APC2: variants seen among roughly 807,000 people sequenced by gnomAD.
APC2 encodes the protein adenomatous polyposis coli protein 2.
APC2 carries 41 observed loss-of-function variants against 72.5 expected under a neutral mutation model. The observed-to-expected ratio is 0.57, with a 90% CI of 0.44 to 0.73. APC2 has a LOEUF of 0.73. APC2 is among the 30% of genes least tolerant of loss of function. The pLI is 0.00. For synonymous variants in APC2, 1,898 were observed against 1,612.0 expected (o/e 1.18, Z -4.25); for missense variants, 3,729 against 3,403.4 (o/e 1.10, Z -2.38).
chr19:1,469,000 T>C lies in APC2; in HGVS notation c.5699T>C (p.Leu1900Pro). The C allele has an allele frequency of 6.4e-7, 1 of 1,556,584 alleles. No individual in the cohort carries two copies. The highest frequency in any genetic ancestry group is 1.2e-5 in the South Asian group (1 of 84,062). Residue 1900 changes from leucine to proline, a missense_variant, in exon 15 of 15, where the codon CTG (leucine) becomes CCG (proline). Physicochemically the swap from Leu to Pro is moderately conservative, Grantham distance 98. Transcript: ENST00000590469. ...CCGGTCACCCAGGCTGCTGGGGCCCTGCCCGGCCCCGGAGCCTCCCCGGTG... is the reference window on the plus strand; with the variant it reads ...CCGGTCACCCAGGCTGCTGGGGCCCCGCCCGGCCCCGGAGCCTCCCCGGTG... Reference protein sequence around the residue: ...RPPVTQAAGALPGPGASPVPK... With the variant: ...RPPVTQAAGAPPGPGASPVPK...
At position 1,468,040 on chromosome 19, in the gene APC2, G is replaced by A. The variant is rs372563885; in HGVS notation, c.4739G>A (p.Ser1580Asn). Residue 1580 changes from serine (S) to asparagine (N), a missense_variant, in exon 15 of 15, where the codon AGC (serine) becomes AAC (asparagine). By Grantham distance (46) the Ser-to-Asn change is conservative. Coordinates refer to ENST00000590469, the MANE Select transcript of APC2 (RefSeq NM_005883.3). ...GAGACCCCGCCCTGCTACTCCCTGA[G>A]CTCCTCCGCCAGCTCCCTCAGCGAG... is the stretch of plus-strand genomic sequence containing the variant. ...ADETPPCYSL[S>N]SSASSLSEPE... is the part of the protein sequence containing the mutation. 1.4e-4 allele frequency: 220 copies of A among 1,580,944 alleles called. No homozygotes were observed. The highest frequency in any genetic ancestry group is 1.8e-4 in the Non-Finnish European group (212 of 1,172,710).
intron 11 of APC2, 97 bp from the exon 12 acceptor site, chr19:1,460,683 A>C: frequency 7.9e-7 from 1 of 1,268,212 alleles, no homozygotes; most frequent in South Asian, 1.4e-5. Context: ...CAGGGGTCTG[A>C]GTTTGCAGCT....
Position 1,473,130 on chromosome 19 carries a change from G to T in APC2, c.*2917G>T, listed in dbSNP as rs576369193. ...AGTGTTAAACGGACGTGTAAATAGT[G>T]GTAAATAGTGAAAGCCTGTCCTTCC... is the stretch of plus-strand genomic sequence containing the variant. On this transcript the variant is annotated 3_prime_UTR_variant, in exon 15 of 15. Transcript: ENST00000590469. The T allele has an allele frequency of 6.6e-6, 1 of 152,282 alleles. No individual in the cohort carries two copies. Among genetic ancestry groups the T allele is most frequent in the African/African-American group, 2.4e-5 (1 of 41,464 alleles). The allele number at this position is 152,282 out of a possible 1,614,324, so 9.4% of individuals were successfully genotyped here. A position where few individuals can be genotyped will look rare whatever the true frequency, so the allele number is the denominator to read the frequency against.
At chr19:1,456,285 A>C (rs1213163406) in intron 7 of APC2, 21 bp from the exon 8 acceptor site, 1 of 1,597,808 alleles carries the variant, frequency 6.3e-7, no homozygotes, top group Non-Finnish European at 8.5e-7. Context: ...TGTACCCCCG[A>C]CCCTGGTGCT....
rs1270490604 is a variant in APC2, at chr19:1,457,149, G to A, written c.1113G>A (p.Leu371=). 6.3e-7 allele frequency: 1 copy of A among 1,588,060 alleles called. No individual in the cohort carries two copies. The highest frequency in any genetic ancestry group is 1.8e-5 in the Admixed American group (1 of 57,012). The change falls in exon 9 of 15, where the codon CTG becomes CTA. Residue 371 remains leucine, a synonymous_variant. Coordinates refer to ENST00000590469, the MANE Select transcript of APC2 (RefSeq NM_005883.3). ...TGGCGCGCAAGGAGATGCGCGTCCT[G>A]CACGTGCTGGAGCAGATCCGGGCCT... ...QGLARKEMRV[L]HVLEQIRAYC... is the part of the protein sequence containing the mutation.
chr19:1,465,221 C>G lies in APC2; in HGVS notation c.1920C>G (p.Thr640=). The G allele has an allele frequency of 6.2e-7, 1 of 1,610,546 alleles. No individual in the cohort carries two copies. The highest frequency in any genetic ancestry group is 8.5e-7 in the Non-Finnish European group (1 of 1,179,418). Reference sequence around the variant, plus strand: ...AGCATCTGACTTCGCACAGCCTGACCATCGTGAGCAACGCGTGCGGCACGC... The same window carrying G: ...AGCATCTGACTTCGCACAGCCTGACGATCGTGAGCAACGCGTGCGGCACGC... The part of the protein sequence containing the change: ...LLQHLTSHSL[T]IVSNACGTLW... The change falls in exon 15 of 15, where the codon ACC becomes ACG. Residue 640 remains threonine, a synonymous_variant. Transcript: ENST00000590469.
Position 1,468,883 on chromosome 19 carries a change from G to T in APC2, c.5582G>T (p.Ser1861Ile). The T allele has an allele frequency of 6.5e-7, 1 of 1,532,444 alleles. No individual in the cohort carries two copies. 94.9% of individuals were successfully genotyped at this position (1,532,444 alleles called of 1,614,324 possible). A position where few individuals can be genotyped will look rare whatever the true frequency, so the allele number is the denominator to read the frequency against. The change falls in exon 15 of 15, where the codon AGC becomes ATC. Residue 1861 changes from serine (S) to isoleucine (I), a missense_variant. By Grantham distance (142) the Ser-to-Ile change is moderately radical (BLOSUM62 -2). Coordinates refer to ENST00000590469, the MANE Select transcript of APC2 (RefSeq NM_005883.3). ...ELATLSQPPRSATPPARLAKT... is the reference protein window; with the variant it reads ...ELATLSQPPRIATPPARLAKT... ...GCGACGCTGAGCCAGCCCCCCAGAAGCGCCACACCGCCCGCCCGCCTCGCC... is the reference window on the plus strand; with the variant it reads ...GCGACGCTGAGCCAGCCCCCCAGAATCGCCACACCGCCCGCCCGCCTCGCC...
chr19:1,465,342 A>G lies in APC2; in HGVS notation c.2041A>G (p.Lys681Glu). The change falls in exon 15 of 15, where the codon AAG (lysine) becomes GAG (glutamate). Residue 681 changes from lysine (K) to glutamate (E), a missense_variant. Physicochemically the swap from Lys to Glu is moderately conservative, Grantham distance 56 (BLOSUM62 1). Transcript: ENST00000590469. Reference sequence around the variant, plus strand: ...GCGTAATCTGGTGCACTCCAAGCACAAGATGATCGCCATGGGCAGCGCCGC... The same window carrying G: ...GCGTAATCTGGTGCACTCCAAGCACGAGATGATCGCCATGGGCAGCGCCGC... ...MLRNLVHSKH[K>E]MIAMGSAAAL... The G allele has an allele frequency of 6.3e-7, 1 of 1,590,200 alleles. No homozygotes were observed. The highest frequency in any genetic ancestry group is 2.2e-5 in the East Asian group (1 of 44,602).
chr19:1,459,070 T>C (rs1253752240), intron 10 of APC2, among the ~76,000 whole-genome samples: 1 of 152,060 alleles, frequency 6.6e-6, no homozygotes, highest in African/African-American at 2.4e-5. Context: ...TCCTACTTTC[T>C]GTCTCTGTGA....
rs967855095 is a variant in APC2 at position 1,460,378 on chromosome 19, G to A, written c.1443+58G>A. On this transcript the variant is annotated intron_variant, in intron 11 of 14. Coordinates refer to ENST00000590469, the MANE Select transcript of APC2 (RefSeq NM_005883.3). ...CCTCATCCAGTCTTCCAGGGACTGAGCCTCCTTCCAACTCATCCCAGCCTC... is the reference window on the plus strand; with the variant it reads ...CCTCATCCAGTCTTCCAGGGACTGAACCTCCTTCCAACTCATCCCAGCCTC... 4.4e-6 allele frequency: 7 copies of A among 1,607,668 alleles called. No individual in the cohort carries two copies. In the Admixed American group the frequency reaches 1.2e-4, roughly 27 times the overall value.
Position 1,468,625 on chromosome 19 carries a change from G to A in APC2, c.5324G>A (p.Arg1775His), listed in dbSNP as rs1025002842. ...PRSPAGPEKPRGTQKTTPGVP... is the reference protein window; with the variant it reads ...PRSPAGPEKPHGTQKTTPGVP... ...TCCCCTGCAGGCCCCGAGAAGCCACGTGGCACACAGAAGACCACGCCCGGG... is the reference window on the plus strand; with the variant it reads ...TCCCCTGCAGGCCCCGAGAAGCCACATGGCACACAGAAGACCACGCCCGGG... The change falls in exon 15 of 15, where the codon CGT becomes CAT. Residue 1775 changes from arginine to histidine, a missense_variant. Arg to His is a conservative substitution (Grantham distance 29). Coordinates refer to ENST00000590469, the MANE Select transcript of APC2 (RefSeq NM_005883.3). 3 of 1,601,442 alleles carry A rather than the reference G, an allele frequency of 1.9e-6. No individual in the cohort carries two copies. Among genetic ancestry groups the A allele is most frequent in the Non-Finnish European group, 1.7e-6 (2 of 1,173,130 alleles).
Position 1,466,843 on chromosome 19 carries a change from C to G in APC2, c.3542C>G (p.Pro1181Arg). 6.4e-7 allele frequency: 1 copy of G among 1,559,608 alleles called. No individual in the cohort carries two copies. Among genetic ancestry groups the G allele is most frequent in the Non-Finnish European group, 8.7e-7 (1 of 1,153,066 alleles). Residue 1181 changes from proline (P) to arginine (R), a missense_variant, in exon 15 of 15, where the codon CCC becomes CGC. Pro to Arg is a moderately radical substitution (Grantham distance 103, BLOSUM62 -2). Coordinates refer to ENST00000590469, the MANE Select transcript of APC2 (RefSeq NM_005883.3). ...FESPSIASSI[P>R]SEPCSGQGSG... is the part of the protein sequence containing the mutation. Reference sequence around the variant, plus strand: ...AGCCCGTCCATCGCCAGCTCCATCCCCAGTGAACCTTGCAGCGGGCAGGGC... The same window carrying G: ...AGCCCGTCCATCGCCAGCTCCATCCGCAGTGAACCTTGCAGCGGGCAGGGC...
intron 8 of APC2, 91 bp downstream of exon 8, chr19:1,456,495 A>G (rs2083829476): frequency 7.7e-7 from 1 of 1,304,342 alleles, no homozygotes. Flanking sequence ...GTGCCCTCCC[A>G]TGCCTCCATC....
In APC2 at chr19:1,461,151, A is replaced by G; in HGVS notation, c.1636A>G (p.Lys546Glu). ...GGTGCAGTGTGTCCTGCGGGCCACC[A>G]AGGTGGGCACCCGGTGGGCGGCAGG... ...ALVQCVLRAT[K>E]ESTLKSVLSA... The change falls in exon 13 of 15, where the codon AAG becomes GAG. Residue 546 changes from lysine to glutamate, a missense_variant and splice_region_variant. Coordinates refer to ENST00000590469, the MANE Select transcript of APC2 (RefSeq NM_005883.3). 6.2e-7 allele frequency: 1 copy of G among 1,609,320 alleles called. No homozygotes were observed. Among genetic ancestry groups the G allele is most frequent in the African/African-American group, 1.3e-5 (1 of 75,026 alleles).
rs1219903440 is a variant in APC2 at position 1,456,787 on chromosome 19, C to T, written c.817-66C>T. The T allele has an allele frequency of 4.6e-6, 7 of 1,530,088 alleles. No homozygotes were observed. In the African/African-American group the frequency reaches 5.5e-5, roughly 12 times the overall value. 94.8% of individuals were successfully genotyped at this position (1,530,088 alleles called of 1,614,324 possible). Reference sequence around the variant, plus strand: ...GGACGGGGCAGGGGTCACAGGGCTCCGACCGGGTTTCCAGGTGTGCGGGGG... The same window carrying T: ...GGACGGGGCAGGGGTCACAGGGCTCTGACCGGGTTTCCAGGTGTGCGGGGG... On this transcript the variant is annotated intron_variant, in intron 8 of 14. Transcript: ENST00000590469.
In APC2 at chr19:1,468,105, C is replaced by G. The variant is rs1266589241; in HGVS notation, c.4804C>G (p.Arg1602Gly). 2 of 1,523,696 alleles carry G rather than the reference C, an allele frequency of 1.3e-6. No homozygotes were observed. The highest frequency in any genetic ancestry group is 1.7e-6 in the Non-Finnish European group (2 of 1,143,584). 94.4% of individuals were successfully genotyped at this position (1,523,696 alleles called of 1,614,324 possible). ...GCCGCCGGCCGTCCATCCACGAGGCCGGGAGCCCGCGGTCACCAAGGACCC... is the reference window on the plus strand; with the variant it reads ...GCCGCCGGCCGTCCATCCACGAGGCGGGGAGCCCGCGGTCACCAAGGACCC... ...SEPPAVHPRG[R>G]EPAVTKDPGP... Residue 1602 changes from arginine to glycine, a missense_variant, in exon 15 of 15, where the codon CGG becomes GGG. Coordinates refer to ENST00000590469, the MANE Select transcript of APC2 (RefSeq NM_005883.3).
At position 1,472,536 on chromosome 19, in the gene APC2, C is replaced by G. The variant is rs909877344; in HGVS notation, c.*2323C>G. 2 of 152,296 alleles carry G rather than the reference C, an allele frequency of 1.3e-5. No individual in the cohort carries two copies. The highest frequency in any genetic ancestry group is 4.8e-5 in the African/African-American group (2 of 41,450). 9.4% of individuals were successfully genotyped at this position (152,296 alleles called of 1,614,324 possible). A position where few individuals can be genotyped will look rare whatever the true frequency, so the allele number is the denominator to read the frequency against. On this transcript the variant is annotated 3_prime_UTR_variant, in exon 15 of 15. Transcript: ENST00000590469. The stretch of plus-strand genomic sequence containing the variant: ...CACAGAACTTGGGTCTGGCTGGCTC[C>G]TGCCCGTGACGCCTTGCCCAGCAGC...
At chr19:1,453,762 C>A in intron 4 of APC2, 151 bp downstream of exon 4, 1 of 1,117,618 alleles carries the variant, frequency 8.9e-7, no homozygotes, top group Admixed American at 2.5e-5. Flanking sequence ...CCGAACAACC[C>A]CGCCCACCTC....
Position 1,466,880 on chromosome 19 carries a change from C to A in APC2, c.3579C>A (p.Ile1193=). 1 of 1,569,478 alleles carries A rather than the reference C, an allele frequency of 6.4e-7. No homozygotes were observed. Among genetic ancestry groups the A allele is most frequent in the Non-Finnish European group, 8.6e-7 (1 of 1,158,540 alleles). ...EPCSGQGSGT[I]SPSELPDSPG... ...GCAGCGGGCAGGGCAGCGGCACCAT[C>A]AGCCCTAGCGAGCTGCCCGACAGCC... The change falls in exon 15 of 15, where the codon ATC becomes ATA. Residue 1193 remains isoleucine, a synonymous_variant. Transcript: ENST00000590469.
Sources: allele counts gnomAD v4.1 joint callset (sites outside exome capture counted in the v4.1 genomes callset), GRCh38; gene constraint gnomAD v4.1.1; transcripts MANE v1.5; gene names NCBI Gene and HGNC (gene_info 2026-07-23, HGNC 2026-07-21).